Variants in BMPER observed in about 807,000 individuals in gnomAD.
The protein encoded by BMPER is BMP-binding endothelial regulator protein.
Under a neutral mutation model 87.3 loss-of-function variants are expected in BMPER, and 45 were observed. That is an observed-to-expected ratio of 0.52 (90% confidence interval 0.41 to 0.66). The LOEUF is 0.66. BMPER is among the 30% of genes least tolerant of loss of function. BMPER has a pLI of 0.00. For missense variants in BMPER, 784 were observed against 867.5 expected (o/e 0.90, Z 1.21); for synonymous variants, 326 against 316.2 (o/e 1.03, Z -0.33).
intron 11 of BMPER, among the ~76,000 whole-genome samples, chr7:34,064,835 C>T (rs1788535582): frequency 6.6e-6 from 1 of 152,298 alleles, no homozygotes; most frequent in East Asian, 1.9e-4. Flanking sequence ...TTCTATTTGG[C>T]GAGGCTTATT....
At chr7:33,962,094 A>G (rs1227916768) in intron 3 of BMPER, among the ~76,000 whole-genome samples, 1 of 152,214 alleles carries the variant, frequency 6.6e-6, no homozygotes, top group Non-Finnish European at 1.5e-5. Flanking sequence ...CAACAGAATG[A>G]TGAAAATGTG....
In BMPER at chr7:34,048,930, A is replaced by G. The variant is rs138265028; in HGVS notation, c.676+2525A>G. 6.0e-4 allele frequency among the ~76,000 whole-genome samples: 92 copies of G among 152,242 alleles called. 1 individual carries two copies. Among genetic ancestry groups the G allele is most frequent in the African/African-American group, 2.2e-3 (90 of 41,562 alleles). On this transcript the variant is annotated intron_variant, in intron 7 of 14. Transcript: ENST00000649409. ...TAAGGTTAAGATTTTATGCTCTTTG[A>G]GGGTAAAAACAAACATCCCCACACA...
chr7:34,068,875 C>A (rs1408338755), intron 11 of BMPER, among the ~76,000 whole-genome samples: 1 of 152,146 alleles, frequency 6.6e-6, no homozygotes, highest in Non-Finnish European at 1.5e-5. Context: ...AGACTCACAG[C>A]AGTACTAACT....
At chr7:33,962,701 T>G (rs1200364324) in intron 3 of BMPER, among the ~76,000 whole-genome samples, 2 of 152,202 alleles carry the variant, frequency 1.3e-5, no homozygotes, top group Non-Finnish European at 2.9e-5. Context: ...CACCTCCCGC[T>G]GCAGTACTGA....
intron 13 of BMPER, among the ~76,000 whole-genome samples, chr7:34,128,603 C>T (rs1790464124): frequency 6.6e-6 from 1 of 152,074 alleles, no homozygotes. Context: ...TTCTGAAAGC[C>T]CCCCAAAAGT....
At chr7:34,060,270 A>G (rs922336756) in intron 10 of BMPER, among the ~76,000 whole-genome samples, 2 of 151,966 alleles carry the variant, frequency 1.3e-5, no homozygotes, top group Non-Finnish European at 2.9e-5. Flanking sequence ...GATGTAGGGA[A>G]TCGTAGTCAC....
chr7:34,089,692 C>T (rs1789324804), intron 13 of BMPER, among the ~76,000 whole-genome samples: 1 of 152,086 alleles, frequency 6.6e-6, no homozygotes, highest in East Asian at 1.9e-4. Context: ...CCATGTTGGC[C>T]AGGCTGATCT....
intron 3 of BMPER, among the ~76,000 whole-genome samples, chr7:33,947,376 T>C (rs1181394654): frequency 6.6e-6 from 1 of 152,216 alleles, no homozygotes; most frequent in Non-Finnish European, 1.5e-5. Context: ...AAATATTAAT[T>C]GTCCACAAGA....
intron 2 of BMPER, among the ~76,000 whole-genome samples, chr7:33,929,117 T>A (rs1312323068): frequency 6.6e-6 from 1 of 152,132 alleles, no homozygotes; most frequent in East Asian, 1.9e-4. Context: ...TTGTTCAGAG[T>A]TTGCACTGTG....
intron 3 of BMPER, among the ~76,000 whole-genome samples, chr7:33,956,264 A>G (rs908307664): frequency 1.3e-5 from 2 of 152,202 alleles, no homozygotes; most frequent in African/African-American, 4.8e-5. Context: ...CATTTGTTCT[A>G]TGGAAGCTTT....
chr7:33,989,621 T>G (rs912374837), intron 6 of BMPER, among the ~76,000 whole-genome samples: 3 of 152,246 alleles, frequency 2.0e-5, no homozygotes, highest in African/African-American at 7.2e-5. Context: ...TTAGTTTAAT[T>G]AGATCCCATT....
intron 13 of BMPER, among the ~76,000 whole-genome samples, chr7:34,096,702 TA>T (rs1053662406): frequency 5.3e-5 from 8 of 150,566 alleles, no homozygotes; most frequent in African/African-American, 2.4e-5. Flanking sequence ...GTGTACACAT[TA>T]AAAAAAAAGA....
At chr7:34,107,369 C>G (rs1184630565) in intron 13 of BMPER, among the ~76,000 whole-genome samples, 2 of 152,208 alleles carry the variant, frequency 1.3e-5, no homozygotes, top group Non-Finnish European at 2.9e-5. Flanking sequence ...AGCTTATTAA[C>G]TGAAGAGCAT....
chr7:34,060,363 G>C (rs1045053624), intron 10 of BMPER, among the ~76,000 whole-genome samples: 2 of 151,916 alleles, frequency 1.3e-5, no homozygotes, highest in Non-Finnish European at 2.9e-5. Context: ...TCATTCCCTG[G>C]GCCTGAGCTG....
chr7:34,147,974 G>C (rs1187696210), intron 14 of BMPER, among the ~76,000 whole-genome samples: 7 of 152,110 alleles, frequency 4.6e-5, no homozygotes, highest in Admixed American at 4.6e-4. Context: ...GGCAAATCCG[G>C]TGATGTCACT....
At chr7:33,956,050 A>C (rs78589497) in intron 3 of BMPER, among the ~76,000 whole-genome samples, 25 of 151,876 alleles carry the variant, frequency 1.6e-4, no homozygotes, top group Middle Eastern at 3.2e-3. Flanking sequence ...AAAAAAAAAA[A>C]CACCTCACCT....
intron 7 of BMPER, among the ~76,000 whole-genome samples, chr7:34,051,445 T>C (rs1463323042): frequency 6.6e-6 from 1 of 152,180 alleles, no homozygotes; most frequent in African/African-American, 2.4e-5. Context: ...GCATTATATC[T>C]TCCAAGAATT....
In BMPER at chr7:33,974,902, G is replaced by A. The variant is rs114140786; in HGVS notation, c.576+118G>A. On this transcript the variant is annotated intron_variant, in intron 6 of 14. Transcript: ENST00000649409. ...TCGTCTCCTCTCTGGGTAAAAGTCC[G>A]TCCCTCCTGATGTGGAGCCGAGGGA... is the stretch of plus-strand genomic sequence containing the variant. 4.1e-3 allele frequency: 4,154 copies of A among 1,021,566 alleles called. 124 individuals carry two copies. The African/African-American group carries it at 0.058, about 14-fold the overall frequency. 63.3% of individuals were successfully genotyped at this position (1,021,566 alleles called of 1,614,324 possible). A position where few individuals can be genotyped will look rare whatever the true frequency, so the allele number is the denominator to read the frequency against.
At chr7:33,989,733 G>T (rs1319829097) in intron 6 of BMPER, among the ~76,000 whole-genome samples, 1 of 152,112 alleles carries the variant, frequency 6.6e-6, no homozygotes, top group Admixed American at 6.6e-5. Flanking sequence ...TTCTTCTAGG[G>T]TTTTTATGGT....
Sources: allele counts gnomAD v4.1 joint callset (sites outside exome capture counted in the v4.1 genomes callset), GRCh38; gene constraint gnomAD v4.1.1; transcripts MANE v1.5; gene names NCBI Gene and HGNC (gene_info 2026-07-23, HGNC 2026-07-21).